The following NDST4 variants were observed in gnomAD, a reference collection of about 807,000 sequenced individuals.
The protein encoded by NDST4 is N-heparan sulfate sulfotransferase 4.
A neutral mutation model predicts 100.8 loss-of-function variants in NDST4; 63 were observed. The observed-to-expected ratio is 0.62, with a 90% CI of 0.51 to 0.77. NDST4 has a LOEUF of 0.77. Among genes scored for constraint, NDST4 ranks in the 30% least tolerant of loss-of-function variants. The pLI, the probability that NDST4 is intolerant of heterozygous loss-of-function variation, is 0.00. For synonymous variants in NDST4, 377 were observed against 361.8 expected, an observed-to-expected ratio of 1.04 and a Z score of -0.48; for missense variants, 943 against 1,018.4, an observed-to-expected ratio of 0.93 and a Z score of 1.01.
intron 4 of NDST4, among the ~76,000 whole-genome samples, chr4:114,948,158 G>C (rs377637172): frequency 6.6e-6 from 1 of 152,088 alleles, no homozygotes; most frequent in African/African-American, 2.4e-5. Context: ...TTTGATTCAA[G>C]CTGAGATTTC....
intron 11 of NDST4, among the ~76,000 whole-genome samples, chr4:114,839,173 ATG>A (rs1723372212): frequency 1.3e-5 from 2 of 152,226 alleles, no homozygotes; most frequent in Admixed American, 1.3e-4. Context: ...AAAATTAAAA[ATG>A]TAAAATGCAC....
Position 115,013,318 on chromosome 4 carries a change from C to A in NDST4, c.979-36044G>T, listed in dbSNP as rs1005163436. Reference sequence around the variant, plus strand: ...ATATTGTATGCCTGTATCAAAATATCTCATGTACTCCATAAAAATATAAAT... The same window carrying A: ...ATATTGTATGCCTGTATCAAAATATATCATGTACTCCATAAAAATATAAAT... On this transcript the variant is annotated intron_variant, in intron 2 of 13. Transcript: ENST00000264363. Among the ~76,000 whole-genome samples, 4 of 105,696 alleles carry A rather than the reference C, an allele frequency of 3.8e-5. No individual in the cohort carries two copies. In the East Asian group the frequency reaches 8.1e-4, roughly 21 times the overall value. The allele number at this position is 105,696 out of a possible 152,430, so 69.3% of individuals were successfully genotyped here. A position where few individuals can be genotyped will look rare whatever the true frequency, so the allele number is the denominator to read the frequency against.
At chr4:114,986,830 A>ATATATATATATATATT (rs1553959396) in intron 2 of NDST4, among the ~76,000 whole-genome samples, 2 of 91,964 alleles carry the variant, frequency 2.2e-5, no homozygotes, top group African/African-American at 8.6e-5. Flanking sequence ...ATATATATAT[A>ATATATATATATATATT]TATTTTAATA....
intron 2 of NDST4, among the ~76,000 whole-genome samples, chr4:115,021,297 T>C (rs1187388604): frequency 6.8e-6 from 1 of 146,952 alleles, no homozygotes; most frequent in African/African-American, 2.7e-5. Context: ...ATATACATAT[T>C]CCATATATAT....
intron 7 of NDST4, among the ~76,000 whole-genome samples, chr4:114,859,750 C>T (rs1463791238): frequency 6.6e-6 from 1 of 152,176 alleles, no homozygotes; most frequent in Non-Finnish European, 1.5e-5. Context: ...AGAAAATTGG[C>T]CTGTGACTAG....
At chr4:114,857,771 G>A (rs1481276418) in intron 7 of NDST4, among the ~76,000 whole-genome samples, 2 of 152,186 alleles carry the variant, frequency 1.3e-5, no homozygotes, top group Non-Finnish European at 2.9e-5. Context: ...AAACTAATCA[G>A]CAGAGATGAA....
chr4:114,909,233 T>C (rs184154377), intron 6 of NDST4, among the ~76,000 whole-genome samples: 50 of 152,352 alleles, frequency 3.3e-4, no homozygotes, highest in African/African-American at 1.1e-3. Flanking sequence ...GTTAATGTTT[T>C]CTCATGACGA....
rs1314853275 is a variant in NDST4 at position 114,922,800 on chromosome 4, GTTAAT to G, written c.1536+12401_1536+12405del. ...TGCGGTTATGGCATAATTTTCATTT[GTTAAT>G]TTATTCAACCTATTGAGCCCATGCT... On this transcript the variant is annotated intron_variant, in intron 6 of 13. Transcript: ENST00000264363. Among the ~76,000 whole-genome samples, 3 of 152,172 alleles carry G rather than the reference GTTAAT, an allele frequency of 2.0e-5. No individual in the cohort carries two copies. In the East Asian group the frequency reaches 5.8e-4, roughly 29 times the overall value.
chr4:114,887,777 T>G (rs1578366785), intron 6 of NDST4, among the ~76,000 whole-genome samples: 1 of 152,166 alleles, frequency 6.6e-6, no homozygotes, highest in East Asian at 1.9e-4. Context: ...TTTTTCACCC[T>G]TTAGACTACT....
intron 2 of NDST4, among the ~76,000 whole-genome samples, chr4:115,038,739 G>A (rs1185023757): frequency 6.6e-6 from 1 of 152,174 alleles, no homozygotes; most frequent in Non-Finnish European, 1.5e-5. Context: ...CACTTTGGGA[G>A]GCCAGGAAGG....
chr4:114,852,806 T>A lies in NDST4; in HGVS notation c.1735A>T (p.Lys579Ter). The change falls in exon 8 of 14, where the codon AAA becomes TAA. Residue 579 changes from lysine (K) to a stop codon, truncating the protein, a stop_gained. Coordinates refer to ENST00000264363, the MANE Select transcript of NDST4 (RefSeq NM_022569.3). LOFTEE classifies it high-confidence loss of function. ...CTGGACCAGATGTCTTTGTGTCGTT[T>A]ATCATCACATGGATTCTGCAAGAAG... is the stretch of plus-strand genomic sequence containing the variant. ...DPLWQNPCDD[K>*]RHKDIWSREK... 6.2e-7 allele frequency: 1 copy of A among 1,611,476 alleles called. No homozygotes were observed. The highest frequency in any genetic ancestry group is 8.5e-7 in the Non-Finnish European group (1 of 1,178,322).
intron 7 of NDST4, among the ~76,000 whole-genome samples, chr4:114,861,610 C>T (rs1723919371): frequency 6.6e-6 from 1 of 152,072 alleles, no homozygotes. Context: ...TAAGTTTTGC[C>T]TCACACAGTC....
At chr4:114,992,286 T>A (rs988044303) in intron 2 of NDST4, among the ~76,000 whole-genome samples, 5 of 151,910 alleles carry the variant, frequency 3.3e-5, no homozygotes, top group African/African-American at 1.2e-4. Context: ...TTAATTTTTT[T>A]AAGAGATGTT....
At chr4:115,084,885 C>T (rs1038468372) in intron 1 of NDST4, among the ~76,000 whole-genome samples, 8 of 149,256 alleles carry the variant, frequency 5.4e-5, no homozygotes, top group African/African-American at 9.9e-5. Flanking sequence ...CCACCCCCCC[C>T]ACAGTCCCTA....
chr4:115,089,823 A>G (rs1191490435), intron 1 of NDST4, among the ~76,000 whole-genome samples: 1 of 151,872 alleles, frequency 6.6e-6, no homozygotes, highest in African/African-American at 2.4e-5. Context: ...TGGAAAACCA[A>G]TTGCACCAAA....
intron 1 of NDST4, among the ~76,000 whole-genome samples, chr4:115,082,238 T>C (rs960729183): frequency 6.6e-6 from 1 of 152,212 alleles, no homozygotes; most frequent in Non-Finnish European, 1.5e-5. Flanking sequence ...GAAAATATTA[T>C]ATGATGATAT....
At chr4:115,079,813 G>T (rs999767538) in intron 1 of NDST4, among the ~76,000 whole-genome samples, 1 of 151,932 alleles carries the variant, frequency 6.6e-6, no homozygotes, top group Non-Finnish European at 1.5e-5. Flanking sequence ...AAATTATGTC[G>T]CTACTTTTCA....
intron 4 of NDST4, among the ~76,000 whole-genome samples, chr4:114,968,246 A>T (rs889861258): frequency 6.6e-6 from 1 of 152,194 alleles, no homozygotes; most frequent in South Asian, 2.1e-4. Context: ...GCTTCCAAAG[A>T]TGGCTTAAAA....
At chr4:114,830,684 A>G (rs1238499159) in intron 12 of NDST4, among the ~76,000 whole-genome samples, 5 of 152,222 alleles carry the variant, frequency 3.3e-5, no homozygotes, top group Non-Finnish European at 5.9e-5. Context: ...TAGGAAGGGA[A>G]ATTTTAAGTT....
Sources: gnomAD v4.1 joint callset for allele counts (sites outside exome capture counted in the v4.1 genomes callset) on GRCh38, gnomAD v4.1.1 for gene constraint, MANE v1.5 for transcripts, NCBI Gene and HGNC (gene_info 2026-07-23, HGNC 2026-07-21) for gene names.